MGMT: variants seen among roughly 807,000 people sequenced by gnomAD.
MGMT encodes O-6-methylguanine-DNA methyltransferase.
MGMT carries 14 observed loss-of-function variants against 15.9 expected under a neutral mutation model. That is an observed-to-expected ratio of 0.88 (90% CI 0.58 to 1.37). The LOEUF (loss-of-function observed/expected upper bound fraction) is 1.37, where lower values mean the gene tolerates loss of function less well. Ranked by LOEUF, MGMT falls within the 40% of genes most tolerant of loss-of-function variation. The pLI is 0.00. For missense variants in MGMT, 282 were observed against 268.1 expected (o/e 1.05, Z -0.36); for synonymous variants, 130 against 118.2 (o/e 1.10, Z -0.65).
intron 1 of MGMT, among the ~76,000 whole-genome samples, chr10:129,471,380 G>A (rs575199267): frequency 6.6e-6 from 1 of 152,270 alleles, no homozygotes; most frequent in African/African-American, 2.4e-5. Context: ...ATGTTGAAAT[G>A]CAATAAATAA....
At chr10:129,654,796 A>G (rs891731619) in intron 2 of MGMT, among the ~76,000 whole-genome samples, 5 of 152,118 alleles carry the variant, frequency 3.3e-5, no homozygotes, top group African/African-American at 1.2e-4. Flanking sequence ...GCCCCTTGTC[A>G]TGACACGTGA....
chr10:129,565,485 C>T (rs1038865367), intron 2 of MGMT, among the ~76,000 whole-genome samples: 4 of 152,160 alleles, frequency 2.6e-5, no homozygotes, highest in African/African-American at 9.7e-5. Flanking sequence ...TATGTTTCAA[C>T]TATTCCTTTC....
At chr10:129,708,640 GGCTCTGCTCAATACAGAAATTAATTACA>G (rs1848195775) in intron 3 of MGMT, among the ~76,000 whole-genome samples, 1 of 152,114 alleles carries the variant, frequency 6.6e-6, no homozygotes, top group African/African-American at 2.4e-5. Context: ...GCTTGTGTTT[GGCTCTGCTCAATACAGAAATTAATTACA>G]GCAACTAAAA....
intron 1 of MGMT, among the ~76,000 whole-genome samples, chr10:129,472,651 G>A (rs1318692119): frequency 6.6e-6 from 1 of 152,166 alleles, no homozygotes; most frequent in East Asian, 1.9e-4. Context: ...AACCTTCCAA[G>A]GCCAGATTTC....
At chr10:129,722,648 G>C (rs1462995505) in intron 3 of MGMT, among the ~76,000 whole-genome samples, 5 of 152,206 alleles carry the variant, frequency 3.3e-5, no homozygotes, top group Non-Finnish European at 7.4e-5. Flanking sequence ...AACAGAGAGA[G>C]AGACCAGTGT....
chr10:129,498,051 C>T (rs926865882), intron 1 of MGMT, among the ~76,000 whole-genome samples: 2 of 152,124 alleles, frequency 1.3e-5, no homozygotes, highest in Non-Finnish European at 2.9e-5. Context: ...TTTTTGTGAC[C>T]CTGGACCCTT....
chr10:129,563,833 T>C (rs693300), intron 2 of MGMT: 94,428 of 151,736 alleles, frequency 0.62, 29,620 homozygotes, highest in African/African-American at 0.69. Context: ...TGGATCAACC[T>C]GGTGCTATCG....
At chr10:129,677,018 C>T (rs1847793835) in intron 2 of MGMT, among the ~76,000 whole-genome samples, 2 of 152,164 alleles carry the variant, frequency 1.3e-5, no homozygotes. Context: ...AAGCCATTTC[C>T]ACCATCAGCG....
At chr10:129,551,824 C>A (rs922259514) in intron 2 of MGMT, among the ~76,000 whole-genome samples, 3 of 152,186 alleles carry the variant, frequency 2.0e-5, no homozygotes, top group Middle Eastern at 3.2e-3. Flanking sequence ...CAGGCATAGC[C>A]TCCTGTGCCT....
intron 1 of MGMT, among the ~76,000 whole-genome samples, chr10:129,467,690 AC>A (rs1346946030): frequency 6.6e-6 from 1 of 152,122 alleles, no homozygotes. Flanking sequence ...GCTTGCAGCA[AC>A]CCTTTAGCAT....
chr10:129,631,662 A>G (rs1847211117), intron 2 of MGMT, among the ~76,000 whole-genome samples: 1 of 152,062 alleles, frequency 6.6e-6, no homozygotes, highest in African/African-American at 2.4e-5. Flanking sequence ...GTCTCCACCA[A>G]AAATACAAAA....
At chr10:129,525,892 C>A in intron 1 of MGMT, among the ~76,000 whole-genome samples, 1 of 152,238 alleles carries the variant, frequency 6.6e-6, no homozygotes, top group East Asian at 1.9e-4. Flanking sequence ...GTGTTAGGCC[C>A]CCACCAGGAG....
intron 2 of MGMT, among the ~76,000 whole-genome samples, chr10:129,619,269 T>C (rs140380422): frequency 7.2e-5 from 11 of 152,334 alleles, no homozygotes; most frequent in Non-Finnish European, 1.2e-4. Flanking sequence ...ATTGATTTTC[T>C]AATGCTCAAC....
chr10:129,604,305 T>C (rs1269029608), intron 2 of MGMT, among the ~76,000 whole-genome samples: 1 of 152,182 alleles, frequency 6.6e-6, no homozygotes, highest in East Asian at 1.9e-4. Flanking sequence ...CCAGAGAGCC[T>C]AGCACTTAAT....
At chr10:129,759,011 G>A (rs963913205) in intron 3 of MGMT, among the ~76,000 whole-genome samples, 191 bp from the exon 4 acceptor site, 10 of 152,268 alleles carry the variant, frequency 6.6e-5, no homozygotes, top group Admixed American at 1.3e-4. Context: ...AGCCTGCATG[G>A]TGGCCTGCCA....
chr10:129,506,189 T>C (rs978189441), intron 1 of MGMT, among the ~76,000 whole-genome samples: 1 of 152,136 alleles, frequency 6.6e-6, no homozygotes, highest in East Asian at 1.9e-4. Flanking sequence ...ACACATGGGC[T>C]AGCCCCACAA....
In MGMT at chr10:129,532,379, C is replaced by T. The variant is rs1845942011; in HGVS notation, c.-12-3862C>T. Among the ~76,000 whole-genome samples the T allele has an allele frequency of 1.3e-5, 2 of 152,346 alleles. No individual in the cohort carries two copies. Among genetic ancestry groups the T allele is most frequent in the South Asian group, 4.1e-4 (2 of 4,826 alleles). The stretch of plus-strand genomic sequence containing the variant: ...ACCAGGTTTGGCTGGAAGCCTTCTC[C>T]ACCGCATTCCCAACCGCTGGCCTCC... On this transcript the variant is annotated intron_variant, in intron 1 of 4. Coordinates refer to ENST00000651593, the MANE Select transcript of MGMT (RefSeq NM_002412.5). This position sits in a 1 kb window ranked among gnomAD's most constrained non-coding sequence, Gnocchi z 5.3.
intron 2 of MGMT, among the ~76,000 whole-genome samples, chr10:129,554,332 T>C (rs79621564): frequency 1.3e-5 from 2 of 151,642 alleles, no homozygotes; most frequent in Non-Finnish European, 2.9e-5. Context: ...TCCTTCTAGC[T>C]TTTTTTTTGT....
chr10:129,535,304 G>A (rs1006355791), intron 1 of MGMT, among the ~76,000 whole-genome samples: 29 of 152,298 alleles, frequency 1.9e-4, no homozygotes, highest in Admixed American at 1.4e-3. Context: ...GCTGAAGAGG[G>A]AGGATCGCTA....
Sources: allele counts gnomAD v4.1 joint callset (sites outside exome capture counted in the v4.1 genomes callset), GRCh38; gene constraint gnomAD v4.1.1; non-coding constraint Gnocchi (gnomAD v3.1); transcripts MANE v1.5; gene names NCBI Gene and HGNC (gene_info 2026-07-23, HGNC 2026-07-21).